Variants in USP46 observed in about 807,000 individuals in gnomAD.
The protein encoded by USP46 is ubiquitin specific peptidase 46.
Under a neutral mutation model 44.4 loss-of-function variants are expected in USP46, and 12 were observed. The ratio of observed to expected loss-of-function variants is 0.27; its 90% CI spans 0.17 to 0.44. USP46 has a LOEUF of 0.44. USP46 is among the 20% of genes least tolerant of loss of function. USP46 has a pLI of 1.00. For synonymous variants in USP46, 155 were observed against 161.5 expected, an observed-to-expected ratio of 0.96 and a Z score of 0.31; for missense variants, 248 against 444.8, an observed-to-expected ratio of 0.56 and a Z score of 3.98.
intron 1 of USP46, among the ~76,000 whole-genome samples, chr4:52,638,152 C>G (rs1011411755): frequency 6.6e-6 from 1 of 152,172 alleles, no homozygotes; most frequent in Non-Finnish European, 1.5e-5. Context: ...GGGAGATTAT[C>G]TTGGATTATC....
At chr4:52,636,258 G>A (rs902921425) in intron 1 of USP46, among the ~76,000 whole-genome samples, 3 of 152,076 alleles carry the variant, frequency 2.0e-5, no homozygotes, top group Non-Finnish European at 1.5e-5. Context: ...GGCAAGCAAG[G>A]TAGGCAGCCT....
At chr4:52,616,734 T>C (rs1717166821) in intron 4 of USP46, among the ~76,000 whole-genome samples, 1 of 152,192 alleles carries the variant, frequency 6.6e-6, no homozygotes, top group South Asian at 2.1e-4. Flanking sequence ...TGGAAGGACA[T>C]AAGACATATC....
intron 6 of USP46, among the ~76,000 whole-genome samples, chr4:52,602,343 A>G (rs1716507962): frequency 1.3e-5 from 2 of 152,186 alleles, no homozygotes; most frequent in Admixed American, 1.3e-4. Flanking sequence ...GTTCTCCATC[A>G]CTGCCCTGTG....
In USP46 at chr4:52,631,085, T is replaced by G; in HGVS notation, c.96A>C (p.Glu32Asp). 6.4e-7 allele frequency: 1 copy of G among 1,567,420 alleles called. No individual in the cohort carries two copies. The highest frequency in any genetic ancestry group is 8.7e-7 in the Non-Finnish European group (1 of 1,154,134). The change falls in exon 2 of 9, where the codon GAA becomes GAC. Residue 32 changes from glutamate to aspartate, a missense_variant. Glu to Asp is a conservative substitution (Grantham distance 45). Coordinates refer to ENST00000441222, the MANE Select transcript of USP46 (RefSeq NM_022832.4). ...TTACATTGACCAATCCGAAATAGTGTTCATTGATTGGAAACTGCTCTGGAC... is the reference window on the plus strand; with the variant it reads ...TTACATTGACCAATCCGAAATAGTGGTCATTGATTGGAAACTGCTCTGGAC... ...DIGPEQFPIN[E>D]HYFGLVNFGN... is the part of the protein sequence containing the mutation.
In USP46 at chr4:52,597,481, T is replaced by A; in HGVS notation, c.*159A>T. 4 of 609,100 alleles carry A rather than the reference T, an allele frequency of 6.6e-6. No individual in the cohort carries two copies. In the East Asian group the frequency reaches 1.2e-4, roughly 18 times the overall value. The allele number at this position is 609,100 out of a possible 1,614,324, so 37.7% of individuals were successfully genotyped here. On this transcript the variant is annotated 3_prime_UTR_variant, in exon 9 of 9. Transcript: ENST00000441222. ...AAATAAAACCAAGAGTAGTGCTGCA[T>A]GTAAAAACACAAAAGGAGAGAGTCT...
intron 1 of USP46, among the ~76,000 whole-genome samples, chr4:52,646,300 TG>T (rs572898882): frequency 2.4e-4 from 37 of 152,316 alleles, no homozygotes; most frequent in Admixed American, 1.4e-3. Flanking sequence ...CAGTCCCTCC[TG>T]GGTCAGTATT....
chr4:52,607,237 A>C (rs1716721906), intron 5 of USP46, among the ~76,000 whole-genome samples: 1 of 152,234 alleles, frequency 6.6e-6, no homozygotes, highest in Admixed American at 6.5e-5. Flanking sequence ...CTGACAGAGT[A>C]ATGCTCTTAG....
chr4:52,614,756 T>A (rs909899881), intron 4 of USP46, among the ~76,000 whole-genome samples: 1 of 152,232 alleles, frequency 6.6e-6, no homozygotes, highest in Non-Finnish European at 1.5e-5. Context: ...CTCTTAATTT[T>A]TGTATAATAT....
At chr4:52,620,966 A>G (rs188956915) in intron 4 of USP46, among the ~76,000 whole-genome samples, 13 of 152,380 alleles carry the variant, frequency 8.5e-5, no homozygotes, top group African/African-American at 3.1e-4. Context: ...GCATCATGCA[A>G]CAACACAAAT....
In USP46 at chr4:52,593,889, TC is replaced by T. The variant is rs1716123960; in HGVS notation, c.*3750del. ...CCCTAAATTCTTTTCACTGATATTCTCAATTTGCTATTCTCCAGATACCATT... is the reference window on the plus strand; with the variant it reads ...CCCTAAATTCTTTTCACTGATATTCTAATTTGCTATTCTCCAGATACCATT... On this transcript the variant is annotated 3_prime_UTR_variant, in exon 9 of 9. Transcript: ENST00000441222. The T allele has an allele frequency of 6.6e-6, 1 of 152,262 alleles. No homozygotes were observed. The highest frequency in any genetic ancestry group is 1.5e-5 in the Non-Finnish European group (1 of 68,046). 9.4% of individuals were successfully genotyped at this position (152,262 alleles called of 1,614,324 possible).
At chr4:52,625,532 C>T (rs1218191704) in intron 4 of USP46, among the ~76,000 whole-genome samples, 1 of 152,172 alleles carries the variant, frequency 6.6e-6, no homozygotes, top group Non-Finnish European at 1.5e-5. Context: ...CACATAAGCT[C>T]ATCCAACCCT....
At chr4:52,653,032 A>G (rs1190116103) in intron 1 of USP46, among the ~76,000 whole-genome samples, 1 of 152,172 alleles carries the variant, frequency 6.6e-6, no homozygotes, top group Non-Finnish European at 1.5e-5. Context: ...TGGCGACCAC[A>G]GAGTCCCATC....
intron 1 of USP46, among the ~76,000 whole-genome samples, 185 bp downstream of exon 1, chr4:52,658,930 C>G (rs944288463): frequency 8.6e-5 from 13 of 151,448 alleles, no homozygotes; most frequent in African/African-American, 2.9e-4. Context: ...GCCGGGGGCT[C>G]GGGGACCCTC....
intron 1 of USP46, among the ~76,000 whole-genome samples, chr4:52,642,621 C>G (rs1718389872): frequency 6.6e-6 from 1 of 152,210 alleles, no homozygotes; most frequent in Non-Finnish European, 1.5e-5. Context: ...CATGGAATCT[C>G]TACAGAGTAC....
In USP46 at chr4:52,626,037, C is replaced by T; in HGVS notation, c.542G>A (p.Arg181Gln). Residue 181 changes from arginine to glutamine, a missense_variant, in exon 4 of 9, where the codon CGA becomes CAA. Arg to Gln is a conservative substitution (Grantham distance 43). Coordinates refer to ENST00000441222, the MANE Select transcript of USP46 (RefSeq NM_022832.4). ...IFQGTLTNET[R>Q]CLNCETVSSK... is the part of the protein sequence containing the mutation. ...ACTTACAGTTTCACAGTTCAAGCAT[C>T]GAGTTTCATTGGTAAGCGTTCCCTG... 3 of 1,613,762 alleles carry T rather than the reference C, an allele frequency of 1.9e-6. No individual in the cohort carries two copies. Among genetic ancestry groups the T allele is most frequent in the Non-Finnish European group, 8.5e-7 (1 of 1,179,840 alleles).
At chr4:52,636,951 C>T (rs2109648388) in intron 1 of USP46, among the ~76,000 whole-genome samples, 1 of 151,842 alleles carries the variant, frequency 6.6e-6, no homozygotes, top group East Asian at 2.0e-4. Context: ...CTGGGACTTA[C>T]AGGTGCATAA....
At chr4:52,617,349 C>T (rs530875683) in intron 4 of USP46, among the ~76,000 whole-genome samples, 1 of 152,310 alleles carries the variant, frequency 6.6e-6, no homozygotes, top group East Asian at 1.9e-4. Context: ...TCTCATTCTA[C>T]TTAAGCTCTT....
chr4:52,657,757 A>C lies in USP46; in HGVS notation c.36+1358T>G, dbSNP rs574373116. On this transcript the variant is annotated intron_variant, in intron 1 of 8. Coordinates refer to ENST00000441222, the MANE Select transcript of USP46 (RefSeq NM_022832.4). Reference sequence around the variant, plus strand: ...CCCGTATGGAACTCGCCCGGCACCAACCAGTACCTGTGCAGCTATCACTCT... The same window carrying C: ...CCCGTATGGAACTCGCCCGGCACCACCCAGTACCTGTGCAGCTATCACTCT... Among the ~76,000 whole-genome samples, 6 of 152,320 alleles carry C rather than the reference A, an allele frequency of 3.9e-5. No individual in the cohort carries two copies. In the East Asian group the frequency reaches 1.2e-3, roughly 29 times the overall value.
At chr4:52,649,374 C>T (rs966584772) in intron 1 of USP46, among the ~76,000 whole-genome samples, 1 of 152,216 alleles carries the variant, frequency 6.6e-6, no homozygotes, top group South Asian at 2.1e-4. Context: ...GAAGGTATTT[C>T]ATTGACTACC....
Sources: gnomAD v4.1 joint callset for allele counts (sites outside exome capture counted in the v4.1 genomes callset) on GRCh38, gnomAD v4.1.1 for gene constraint, MANE v1.5 for transcripts, NCBI Gene and HGNC (gene_info 2026-07-23, HGNC 2026-07-21) for gene names.